SAMD12: variants seen among roughly 807,000 people sequenced by gnomAD.
The protein encoded by SAMD12 is sterile alpha motif domain-containing protein 12.
A neutral mutation model predicts 15.0 loss-of-function variants in SAMD12; 9 were observed. The observed-to-expected ratio is 0.60, with a 90% CI of 0.36 to 1.05. The LOEUF is 1.05. Ranked by LOEUF, SAMD12 falls within the 50% of genes least tolerant of loss-of-function variation. SAMD12 has a pLI of 0.01. For synonymous variants in SAMD12, 86 were observed against 90.1 expected (o/e 0.96, Z 0.25); for missense variants, 230 against 234.2 (o/e 0.98, Z 0.12).
chr8:118,188,154 A>G (rs1174737782), downstream of SAMD12, among the ~76,000 whole-genome samples: 1 of 152,074 alleles, frequency 6.6e-6, no homozygotes, highest in Non-Finnish European at 1.5e-5. Context: ...GTTTTAAGAC[A>G]AGCCTACAAA....
chr8:118,299,436 G>A (rs1389941763), intron 4 of SAMD12, among the ~76,000 whole-genome samples: 1 of 152,142 alleles, frequency 6.6e-6, no homozygotes, highest in Admixed American at 6.5e-5. Flanking sequence ...AAAGACGTGG[G>A]TCTCTACACG....
chr8:118,529,827 T>A (rs189122078), intron 2 of SAMD12, among the ~76,000 whole-genome samples: 140 of 152,338 alleles, frequency 9.2e-4, no homozygotes, highest in Non-Finnish European at 1.5e-3. Context: ...TGAATAGTGC[T>A]GCAATAAACA....
At chr8:118,331,427 G>A (rs1462376484) in intron 4 of SAMD12, among the ~76,000 whole-genome samples, 3 of 152,140 alleles carry the variant, frequency 2.0e-5, no homozygotes, top group African/African-American at 4.8e-5. Context: ...TTAACTCTAA[G>A]AAGAAGACAC....
chr8:118,553,218 C>T (rs1156593518), intron 2 of SAMD12, among the ~76,000 whole-genome samples: 2 of 152,102 alleles, frequency 1.3e-5, no homozygotes, highest in South Asian at 2.1e-4. Flanking sequence ...AAGCCCACAT[C>T]GCCAAGGCAA....
At chr8:118,481,255 A>G (rs1374643678) in intron 2 of SAMD12, among the ~76,000 whole-genome samples, 1 of 152,156 alleles carries the variant, frequency 6.6e-6, no homozygotes, top group African/African-American at 2.4e-5. Context: ...GCGCCCAGCC[A>G]TTCTACAGCA....
At chr8:118,534,425 AG>A (rs1380192484) in intron 2 of SAMD12, among the ~76,000 whole-genome samples, 1 of 151,636 alleles carries the variant, frequency 6.6e-6, no homozygotes, top group East Asian at 1.9e-4. Flanking sequence ...TGTGTCTTGG[AG>A]TTGCTCTTCT....
At chr8:118,598,760 T>C (rs1202388500) in intron 1 of SAMD12, among the ~76,000 whole-genome samples, 1 of 152,160 alleles carries the variant, frequency 6.6e-6, no homozygotes, top group African/African-American at 2.4e-5. Context: ...ACTGAACAAG[T>C]CAATGAAGTC....
At chr8:118,188,050 A>G (rs1437717097), downstream of SAMD12, among the ~76,000 whole-genome samples, 1 of 151,978 alleles carries the variant, frequency 6.6e-6, no homozygotes, top group Non-Finnish European at 1.5e-5. Context: ...AGAGAGAGAG[A>G]GAGAGAGAGG....
chr8:118,445,153 GAAGGAA>G (rs1401278999), intron 2 of SAMD12, among the ~76,000 whole-genome samples: 1 of 152,094 alleles, frequency 6.6e-6, no homozygotes, highest in African/African-American at 2.4e-5. Context: ...GAGAGAGAAA[GAAGGAA>G]AAGGAGGAAA....
chr8:118,447,704 A>ATATTTATTTATTTATT (rs71292164), intron 2 of SAMD12, among the ~76,000 whole-genome samples: 3,681 of 138,216 alleles, frequency 0.027, 137 homozygotes, highest in African/African-American at 0.074. Context: ...TTTATTTTTA[A>ATATTTATTTATTTATT]TATTTATTTA....
chr8:118,209,366 C>T (rs770369345), intron 4 of SAMD12, among the ~76,000 whole-genome samples: 16 of 152,158 alleles, frequency 1.1e-4, no homozygotes, highest in South Asian at 6.2e-4. Flanking sequence ...TTGCAGTTAA[C>T]GAGGTTTGGA....
At chr8:118,414,952 CTGATA>C (rs1821606276) in intron 3 of SAMD12, among the ~76,000 whole-genome samples, 1 of 152,146 alleles carries the variant, frequency 6.6e-6, no homozygotes, top group Non-Finnish European at 1.5e-5. Context: ...CACATACAAA[CTGATA>C]TAATTTTTCA....
At chr8:118,295,220 C>G (rs1563741122) in intron 4 of SAMD12, among the ~76,000 whole-genome samples, 1 of 152,070 alleles carries the variant, frequency 6.6e-6, no homozygotes, top group Admixed American at 6.5e-5. Flanking sequence ...TAAATTATTG[C>G]TTTGTTGTTT....
chr8:118,132,101 C>G, the SAMD12 span, among the ~76,000 whole-genome samples: 3 of 152,088 alleles, frequency 2.0e-5, no homozygotes, highest in Non-Finnish European at 4.4e-5. Flanking sequence ...AAAGTTAAAT[C>G]ATATAAAACA....
chr8:118,526,796 A>G (rs1825549518), intron 2 of SAMD12, among the ~76,000 whole-genome samples: 1 of 152,192 alleles, frequency 6.6e-6, no homozygotes, highest in Non-Finnish European at 1.5e-5. Flanking sequence ...GCCTCCATAC[A>G]GTCCATAGAC....
chr8:118,188,943 A>G (rs945642358), downstream of SAMD12, among the ~76,000 whole-genome samples: 2 of 152,130 alleles, frequency 1.3e-5, no homozygotes, highest in Non-Finnish European at 2.9e-5. Flanking sequence ...CAGCCTTTCT[A>G]TTGATAAAAT....
At chr8:118,503,738 T>C (rs1033471685) in intron 2 of SAMD12, among the ~76,000 whole-genome samples, 1 of 152,184 alleles carries the variant, frequency 6.6e-6, no homozygotes, top group Non-Finnish European at 1.5e-5. Context: ...GCATTTTCTC[T>C]GTCAATCCTC....
intron 2 of SAMD12, among the ~76,000 whole-genome samples, chr8:118,457,393 G>T (rs1301462418): frequency 6.7e-6 from 1 of 149,288 alleles, no homozygotes; most frequent in Non-Finnish European, 1.5e-5. Flanking sequence ...ACAACACCCA[G>T]ATTTTTTTTT....
intron 4 of SAMD12, chr8:118,291,314 G>A (rs1249029226): frequency 6.6e-6 from 1 of 152,104 alleles, no homozygotes; most frequent in Admixed American, 6.6e-5. Context: ...GAGAACTGGT[G>A]GATGCAAATG....
Sources: gnomAD v4.1 joint callset for allele counts (sites outside exome capture counted in the v4.1 genomes callset) on GRCh38, gnomAD v4.1.1 for gene constraint, MANE v1.5 for transcripts, NCBI Gene and HGNC (gene_info 2026-07-23, HGNC 2026-07-21) for gene names.